Variants in ZNF541 observed in about 807,000 individuals in gnomAD.
The protein encoded by ZNF541 is zinc finger protein 541.
ZNF541 carries 23 observed loss-of-function variants against 123.5 expected under a neutral mutation model. The observed-to-expected ratio is 0.19, with a 90% CI of 0.13 to 0.26. ZNF541 has a LOEUF of 0.26. Among genes scored for constraint, ZNF541 ranks in the 10% least tolerant of loss-of-function variants. The pLI is 1.00. For synonymous variants in ZNF541, 751 were observed against 754.5 expected (o/e 1.00, Z 0.08); for missense variants, 1,612 against 1,789.9 (o/e 0.90, Z 1.79).
rs1968995827 is a variant in ZNF541, at chr19:47,520,959, A to G, written c.*265T>C. The G allele has an allele frequency of 2.3e-6, 1 of 435,618 alleles. No individual in the cohort carries two copies. The highest frequency in any genetic ancestry group is 3.6e-5 in the Admixed American group (1 of 27,664). 27.0% of individuals were successfully genotyped at this position (435,618 alleles called of 1,614,324 possible). On this transcript the variant is annotated 3_prime_UTR_variant, in exon 17 of 17. Transcript: ENST00000391901. ...TCCCCTCCCCAAGCCTCCCTGCTCT[A>G]GAAGTGGAAGGGAAAGAAGGGGAGA...
In ZNF541 at chr19:47,555,640, C is replaced by T; in HGVS notation, c.217G>A (p.Asp73Asn). 1 of 1,551,670 alleles carries T rather than the reference C, an allele frequency of 6.4e-7. No homozygotes were observed. The change falls in exon 3 of 17, where the codon GAC becomes AAC. Residue 73 changes from aspartate (D) to asparagine (N), a missense_variant. Coordinates refer to ENST00000391901, the MANE Select transcript of ZNF541 (RefSeq NM_001277075.3). ...TTCCCGGAGTACAGGGACAAGGTGTCTAAGTTGTCCTCCAGCACCTCGCTG... is the reference window on the plus strand; with the variant it reads ...TTCCCGGAGTACAGGGACAAGGTGTTTAAGTTGTCCTCCAGCACCTCGCTG... ...MSSEVLEDNLDTLSLYSGKDS... is the reference protein window; with the variant it reads ...MSSEVLEDNLNTLSLYSGKDS...
At position 47,549,363 on chromosome 19, in the gene ZNF541, G is replaced by C; in HGVS notation, c.430C>G (p.Leu144Val). Reference protein sequence around the residue: ...SPQNPLLDCSLCGKVFSSASS... With the variant: ...SPQNPLLDCSVCGKVFSSASS... ...GCGCTGCTGAACACCTTCCCGCACA[G>C]GCTGCAGTCCAGAAGTGGGTTTTGA... Residue 144 changes from leucine to valine, a missense_variant, in exon 4 of 17, where the codon CTG becomes GTG. Transcript: ENST00000391901. 1 of 1,551,750 alleles carries C rather than the reference G, an allele frequency of 6.4e-7. No homozygotes were observed. Among genetic ancestry groups the C allele is most frequent in the South Asian group, 1.2e-5 (1 of 84,066 alleles).
chr19:47,572,365 G>A (rs1247232538), intron 1 of ZNF541, among the ~76,000 whole-genome samples: 1 of 152,048 alleles, frequency 6.6e-6, no homozygotes, highest in Non-Finnish European at 1.5e-5. Flanking sequence ...AATATTAGAC[G>A]AGAGAGAAAC....
intron 3 of ZNF541, among the ~76,000 whole-genome samples, chr19:47,551,011 T>C (rs1226337494): frequency 6.6e-6 from 1 of 152,068 alleles, no homozygotes; most frequent in Non-Finnish European, 1.5e-5. Flanking sequence ...TTCTACTTTT[T>C]AGATTGACCT....
rs892227188 is a variant in ZNF541 at position 47,544,608 on chromosome 19, C to T, written c.1921G>A (p.Gly641Ser). The T allele has an allele frequency of 4.5e-6, 7 of 1,551,080 alleles. No individual in the cohort carries two copies. The highest frequency in any genetic ancestry group is 6.1e-6 in the Non-Finnish European group (7 of 1,146,940). ...CCCTTTGCGTCTCGTCTCGTGCTGC[C>T]GGGGGAGGCCTCTCTGGGAACCCCG... The part of the protein sequence containing the change: ...TPGVPREASP[G>S]STRRDAKGGL... The change falls in exon 5 of 17, where the codon GGC becomes AGC. Residue 641 changes from glycine (G) to serine (S), a missense_variant. By Grantham distance (56) the Gly-to-Ser change is moderately conservative. Transcript: ENST00000391901.
chr19:47,562,237 T>C (rs1568520989), intron 2 of ZNF541, among the ~76,000 whole-genome samples: 1 of 122,198 alleles, frequency 8.2e-6, no homozygotes, highest in Non-Finnish European at 1.7e-5. Flanking sequence ...CGACAGAGAC[T>C]GTCTCCCCAA....
chr19:47,526,404 C>T (rs1969296887), intron 14 of ZNF541, among the ~76,000 whole-genome samples: 1 of 150,718 alleles, frequency 6.6e-6, no homozygotes, highest in African/African-American at 2.5e-5. Context: ...ATCGCTTGAA[C>T]CTGGGAGGCA....
At chr19:47,566,204 G>A (rs954037080) in intron 2 of ZNF541, among the ~76,000 whole-genome samples, 9 of 151,632 alleles carry the variant, frequency 5.9e-5, no homozygotes, top group African/African-American at 2.2e-4. Flanking sequence ...AATTTAAAGG[G>A]GCCATCATTC....
rs1448890418 is a variant in ZNF541 at position 47,544,821 on chromosome 19, G to A, written c.1708C>T (p.His570Tyr). The A allele has an allele frequency of 2.0e-6, 3 of 1,533,516 alleles. No homozygotes were observed. The highest frequency in any genetic ancestry group is 2.6e-6 in the Non-Finnish European group (3 of 1,145,122). 95.0% of individuals were successfully genotyped at this position (1,533,516 alleles called of 1,614,324 possible). Residue 570 changes from histidine (H) to tyrosine (Y), a missense_variant, in exon 5 of 17, where the codon CAT (histidine) becomes TAT (tyrosine). This residue lies in a region of ZNF541 where 1,080 missense variants were observed against 1,013.8 expected (regional missense o/e 1.07). Coordinates refer to ENST00000391901, the MANE Select transcript of ZNF541 (RefSeq NM_001277075.3). Reference sequence around the variant, plus strand: ...GAGGAGACTGCTGCCACCTGGGCATGGGAGAAGATCCGCTGGGACTTGGTG... The same window carrying A: ...GAGGAGACTGCTGCCACCTGGGCATAGGAGAAGATCCGCTGGGACTTGGTG... ...MITKSQRIFS[H>Y]AQVAAVSSQL...
chr19:47,553,404 A>C (rs561545991), intron 3 of ZNF541, among the ~76,000 whole-genome samples: 13 of 144,980 alleles, frequency 9.0e-5, no homozygotes, highest in African/African-American at 3.0e-4. Flanking sequence ...ATGCCAGGCT[A>C]ATTCTTTTTT....
At chr19:47,540,442 C>CTTTT in intron 6 of ZNF541, 107 bp from the exon 7 acceptor site, 7 of 951,530 alleles carry the variant, frequency 7.4e-6, no homozygotes, top group East Asian at 3.3e-5. Flanking sequence ...AATCCACTGA[C>CTTTT]TTTTTTTTTT....
In ZNF541 at chr19:47,544,180, G is replaced by A. The variant is rs1376369584; in HGVS notation, c.2349C>T (p.Ala783=). The change falls in exon 5 of 17, where the codon GCC becomes GCT. Residue 783 remains alanine, a synonymous_variant. Transcript: ENST00000391901. ...SQVAMASFSS[A]GPPADPSKSK... ...ACTTGGAGGGATCTGCCGGGGGCCC[G>A]GCCGATGAGAAGGAGGCCATGGCTA... 6.9e-5 allele frequency: 107 copies of A among 1,551,318 alleles called. No individual in the cohort carries two copies. Among genetic ancestry groups the A allele is most frequent in the Non-Finnish European group, 8.8e-5 (101 of 1,146,862 alleles).
At chr19:47,551,448 C>T (rs560862284) in intron 3 of ZNF541, among the ~76,000 whole-genome samples, 6 of 151,758 alleles carry the variant, frequency 4.0e-5, no homozygotes, top group Non-Finnish European at 8.8e-5. Context: ...CATAGCTCAC[C>T]GCAGCCTTGA....
intron 4 of ZNF541, among the ~76,000 whole-genome samples, chr19:47,548,538 G>C (rs1970462953): frequency 6.6e-6 from 1 of 151,744 alleles, no homozygotes; most frequent in South Asian, 2.1e-4. Flanking sequence ...CCTGTCTCGT[G>C]CTATCCCAAA....
chr19:47,558,557 A>G (rs1970925412), intron 2 of ZNF541, among the ~76,000 whole-genome samples: 2 of 152,146 alleles, frequency 1.3e-5, no homozygotes, highest in Admixed American at 1.3e-4. Context: ...ACTGCTAGAA[A>G]GATACAAATT....
chr19:47,555,443 T>C, intron 3 of ZNF541, 107 bp downstream of exon 3: 1 of 1,123,662 alleles, frequency 8.9e-7, no homozygotes, highest in South Asian at 1.8e-5. Flanking sequence ...AAGTCACCTG[T>C]AGGAGGGAAA....
rs371085661 is a variant in ZNF541, at chr19:47,553,656, G to A, written c.307+1894C>T. Among the ~76,000 whole-genome samples the A allele has an allele frequency of 5.3e-5, 8 of 151,956 alleles. 1 individual carries two copies. In the South Asian group the frequency reaches 1.7e-3, roughly 31 times the overall value. On this transcript the variant is annotated intron_variant, in intron 3 of 16. Transcript: ENST00000391901. ...CCTGACCTCATGATCCGCCTGCCTC[G>A]GCCTCCCAAAGTGCTGGGATTACAG...
At chr19:47,552,742 C>CAAAAAAAAAAAAAAAA (rs573248609) in intron 3 of ZNF541, among the ~76,000 whole-genome samples, 1 of 26,112 alleles carries the variant, frequency 3.8e-5, no homozygotes, top group African/African-American at 1.1e-4. Context: ...GACTCCATCT[C>CAAAAAAAAAAAAAAAA]AAAAAAAAAA....
intron 5 of ZNF541, among the ~76,000 whole-genome samples, chr19:47,543,767 C>T (rs924492889): frequency 1.3e-5 from 2 of 150,884 alleles, no homozygotes; most frequent in Non-Finnish European, 3.0e-5. Context: ...CTCAGCCTCT[C>T]GAGTAGCTGG....
Sources: allele counts gnomAD v4.1 joint callset (sites outside exome capture counted in the v4.1 genomes callset), GRCh38; gene constraint gnomAD v4.1.1; regional missense constraint gnomAD v4.1.1; transcripts MANE v1.5; gene names NCBI Gene and HGNC (gene_info 2026-07-23, HGNC 2026-07-21).